The following ADAMTSL1 variants were observed in gnomAD, a reference collection of about 807,000 sequenced individuals.
ADAMTSL1 encodes the protein ADAMTS like 1.
Under a neutral mutation model 201.8 loss-of-function variants are expected in ADAMTSL1, and 126 were observed. That is an observed-to-expected ratio of 0.62 (90% CI 0.54 to 0.72). The LOEUF (loss-of-function observed/expected upper bound fraction) is 0.72, where lower values mean the gene tolerates loss of function less well. Ranked by LOEUF, ADAMTSL1 falls within the 30% of genes least tolerant of loss-of-function variation. ADAMTSL1 has a pLI of 0.00. For missense variants in ADAMTSL1, 2,679 were observed against 2,277.8 expected, an observed-to-expected ratio of 1.18 and a Z score of -3.59; for synonymous variants, 1,121 against 903.4, an observed-to-expected ratio of 1.24 and a Z score of -4.32.
intron 1 of ADAMTSL1, among the ~76,000 whole-genome samples, chr9:18,099,355 A>ATATATATATATATATTTTTTTTTTT (rs1239180390): frequency 2.2e-5 from 1 of 45,546 alleles, no homozygotes. Flanking sequence ...ATATATATAT[A>ATATATATATATATATTTTTTTTTTT]TTTTTTTTTT....
chr9:18,795,451 T>C lies in ADAMTSL1; in HGVS notation c.3732T>C (p.Asp1244=). ...AGATCTTGGCACCAGTGGAAGCAGA[T>C]GTGGGTTTCTACACTTGCAATGCCA... ...SLQILAPVEA[D]VGFYTCNATN... Residue 1244 remains aspartate (D), a synonymous_variant, in exon 20 of 29, where the codon GAT becomes GAC. Transcript: ENST00000380548. 1.2e-6 allele frequency: 2 copies of C among 1,613,914 alleles called. No individual in the cohort carries two copies. The highest frequency in any genetic ancestry group is 2.2e-5 in the East Asian group (1 of 44,876).
intron 26 of ADAMTSL1, among the ~76,000 whole-genome samples, chr9:18,901,260 C>A (rs1303656261): frequency 6.6e-6 from 1 of 152,070 alleles, no homozygotes; most frequent in African/African-American, 2.4e-5. Flanking sequence ...TTCCAGGGAG[C>A]TTGTTGCCAC....
intron 1 of ADAMTSL1, among the ~76,000 whole-genome samples, chr9:18,062,090 T>G (rs1469250134): frequency 6.6e-6 from 1 of 152,214 alleles, no homozygotes; most frequent in Non-Finnish European, 1.5e-5. Flanking sequence ...AATGGTCGAC[T>G]TAAAAAACAG....
chr9:18,171,661 T>C lies in ADAMTSL1; in HGVS notation c.207+7680T>C, dbSNP rs957019249. 5.3e-5 allele frequency among the ~76,000 whole-genome samples: 8 copies of C among 152,304 alleles called. No individual in the cohort carries two copies. The East Asian group carries it at 5.8e-4, about 11-fold the overall frequency. On this transcript the variant is annotated intron_variant, in intron 2 of 29. Coordinates refer to the ADAMTSL1 transcript ENST00000680146. The stretch of plus-strand genomic sequence containing the variant: ...TCACTATGATGATAGTTTCTTTTGC[T>C]GTGCAGAAGCTCTTCAGTTTAATCA...
chr9:18,823,810 G>A (rs1445632986), intron 21 of ADAMTSL1, among the ~76,000 whole-genome samples: 6 of 152,188 alleles, frequency 3.9e-5, no homozygotes, highest in South Asian at 2.1e-4. Context: ...CCAACATGGC[G>A]AAACCCTGTC....
Position 18,574,275 on chromosome 9 carries a change from T to C in ADAMTSL1, c.474+9T>C. ...TCAGTGGTTTATGCCAAGTAAGTGC[T>C]GATTTGTTCTCATTCAACTTGTCCA... is the stretch of plus-strand genomic sequence containing the variant. On this transcript the variant is annotated intron_variant, in intron 4 of 28. Transcript: ENST00000380548. 1 of 1,608,666 alleles carries C rather than the reference T, an allele frequency of 6.2e-7. No individual in the cohort carries two copies. The highest frequency in any genetic ancestry group is 8.5e-7 in the Non-Finnish European group (1 of 1,174,992).
chr9:18,856,603 A>T (rs1826867767), intron 23 of ADAMTSL1, among the ~76,000 whole-genome samples: 1 of 150,986 alleles, frequency 6.6e-6, no homozygotes, highest in Non-Finnish European at 1.5e-5. Context: ...AGCTGGGGTT[A>T]CAGGCTTGTA....
chr9:18,190,850 C>G (rs1476580307), intron 2 of ADAMTSL1, among the ~76,000 whole-genome samples: 1 of 152,142 alleles, frequency 6.6e-6, no homozygotes, highest in Non-Finnish European at 1.5e-5. Flanking sequence ...TGACCACCCA[C>G]CAATAAGTGG....
rs58346548 is a variant in ADAMTSL1, at chr9:18,800,377, C to CAAA, written c.3805+4878_3805+4880dup. Among the ~76,000 whole-genome samples, 151 of 60,658 alleles carry CAAA rather than the reference C, an allele frequency of 2.5e-3. 5 individuals carry two copies. The highest frequency in any genetic ancestry group is 5.3e-3 in the African/African-American group (83 of 15,664). The allele number at this position is 60,658 out of a possible 152,430, so 39.8% of individuals were successfully genotyped here. On this transcript the variant is annotated intron_variant, in intron 20 of 28. Coordinates refer to ENST00000380548, the MANE Select transcript of ADAMTSL1 (RefSeq NM_001040272.6). ...GGGCAACAAGAGGAAAACTCCATCTCAAAAAAAAAAAAAAAAAAAAAAAAA... is the reference window on the plus strand; with the variant it reads ...GGGCAACAAGAGGAAAACTCCATCTCAAAAAAAAAAAAAAAAAAAAAAAAAAAA...
chr9:18,147,411 G>A (rs1473819315), intron 1 of ADAMTSL1, among the ~76,000 whole-genome samples: 3 of 152,062 alleles, frequency 2.0e-5, no homozygotes, highest in Non-Finnish European at 4.4e-5. Flanking sequence ...GATGGGAATG[G>A]CTCACCACTT....
At chr9:18,473,900 T>A (rs1821319089), upstream of ADAMTSL1, 1 of 348,222 alleles carries the variant, frequency 2.9e-6, no homozygotes, top group South Asian at 5.9e-5. Flanking sequence ...TGCATTTCCC[T>A]TCTCGCTCTG....
intron 3 of ADAMTSL1, among the ~76,000 whole-genome samples, chr9:18,557,292 C>T (rs994478201): frequency 7.2e-5 from 11 of 151,964 alleles, no homozygotes; most frequent in Non-Finnish European, 1.5e-4. Flanking sequence ...AGACTCTTTT[C>T]CATTCCAGTG....
intron 1 of ADAMTSL1, among the ~76,000 whole-genome samples, chr9:18,149,121 G>T (rs2132036106): frequency 6.6e-6 from 1 of 152,150 alleles, no homozygotes; most frequent in South Asian, 2.1e-4. Context: ...TAGCTCCTCT[G>T]AGCCAGGATA....
Position 18,672,190 on chromosome 9 carries a change from T to A in ADAMTSL1, c.1086-3667T>A, listed in dbSNP as rs576899130. Among the ~76,000 whole-genome samples the A allele has an allele frequency of 1.9e-4, 29 of 151,992 alleles. No homozygotes were observed. In the East Asian group the frequency reaches 5.0e-3, roughly 26 times the overall value. ...GTGTGAGCCCAATTTTGGCTTGTTT[T>A]TTTTTTTTTAACACTGGGGACTCTG... On this transcript the variant is annotated intron_variant, in intron 9 of 28. Transcript: ENST00000380548.
intron 2 of ADAMTSL1, among the ~76,000 whole-genome samples, chr9:18,518,481 T>G (rs1818496271): frequency 6.6e-6 from 1 of 152,256 alleles, no homozygotes; most frequent in East Asian, 1.9e-4. Flanking sequence ...GGACATGATT[T>G]CATTCTTTTT....
intron 4 of ADAMTSL1, among the ~76,000 whole-genome samples, chr9:18,583,230 C>T (rs903574100): frequency 2.6e-5 from 4 of 152,178 alleles, no homozygotes; most frequent in South Asian, 2.1e-4. Context: ...ATGCTGTGTG[C>T]ACCCTAGGGA....
chr9:18,684,304 A>G (rs1178963050), intron 12 of ADAMTSL1, among the ~76,000 whole-genome samples: 1 of 152,236 alleles, frequency 6.6e-6, no homozygotes, highest in Non-Finnish European at 1.5e-5. Context: ...AAAGGCAAAA[A>G]AAAAAAAGTT....
At chr9:18,210,729 C>T (rs1026845890) in intron 2 of ADAMTSL1, among the ~76,000 whole-genome samples, 3 of 151,556 alleles carry the variant, frequency 2.0e-5, no homozygotes, top group South Asian at 4.2e-4. Context: ...GCTCTGGCAG[C>T]TTAGAAGGGT....
At chr9:18,256,890 T>G (rs576276436) in intron 2 of ADAMTSL1, among the ~76,000 whole-genome samples, 1 of 152,314 alleles carries the variant, frequency 6.6e-6, no homozygotes, top group East Asian at 1.9e-4. Context: ...GTAAAAGAGT[T>G]TTAAACCCCC....
Sources: gnomAD v4.1 joint callset for allele counts (sites outside exome capture counted in the v4.1 genomes callset) on GRCh38, gnomAD v4.1.1 for gene constraint, MANE v1.5 for transcripts, NCBI Gene and HGNC (gene_info 2026-07-23, HGNC 2026-07-21) for gene names.